Variants in CCDC178 observed in about 807,000 individuals in gnomAD.
The protein encoded by CCDC178 is coiled-coil domain containing 178, also known as coiled-coil domain-containing protein 178.
Under a neutral mutation model 117.4 loss-of-function variants are expected in CCDC178, and 126 were observed. The observed-to-expected ratio is 1.07, with a 90% confidence interval of 0.93 to 1.24. CCDC178 has a LOEUF of 1.24. Among genes scored for constraint, CCDC178 ranks in the 50% most tolerant of loss-of-function variants. CCDC178 has a pLI of 0.00. For synonymous variants in CCDC178, 283 were observed against 313.4 expected, an observed-to-expected ratio of 0.90 and a Z score of 1.02; for missense variants, 1,030 against 986.9, an observed-to-expected ratio of 1.04 and a Z score of -0.59.
At chr18:33,077,172 G>A (rs1659430275) in intron 21 of CCDC178, among the ~76,000 whole-genome samples, 1 of 152,160 alleles carries the variant, frequency 6.6e-6, no homozygotes, top group Non-Finnish European at 1.5e-5. Context: ...GTTATACCCT[G>A]TATATGGATA....
chr18:33,173,895 G>A (rs867847744), intron 20 of CCDC178, among the ~76,000 whole-genome samples: 7 of 152,116 alleles, frequency 4.6e-5, no homozygotes, highest in East Asian at 3.9e-4. Context: ...CTTGAAAAGC[G>A]CTTATCATGG....
At chr18:33,361,983 C>T (rs1476728450) in intron 6 of CCDC178, among the ~76,000 whole-genome samples, 1 of 151,472 alleles carries the variant, frequency 6.6e-6, no homozygotes, top group Non-Finnish European at 1.5e-5. Context: ...AGCACCAGCT[C>T]GTAAAGATAT....
At chr18:33,033,778 C>A (rs1158965778) in intron 21 of CCDC178, among the ~76,000 whole-genome samples, 1 of 151,870 alleles carries the variant, frequency 6.6e-6, no homozygotes, top group African/African-American at 2.4e-5. Flanking sequence ...ATTACAATGT[C>A]ATTTTTCAAT....
rs773301721 is a variant in CCDC178 at position 32,938,048 on chromosome 18, T to C, written c.2567A>G (p.Gln856Arg). The C allele has an allele frequency of 6.2e-7, 1 of 1,613,912 alleles. No homozygotes were observed. Among genetic ancestry groups the C allele is most frequent in the Non-Finnish European group, 8.5e-7 (1 of 1,179,826 alleles). ...TTCGCATGTGCCATCTGTCAAAGTC[T>C]GGAAGAAACCTAAGATGTGTTGCAT... is the stretch of plus-strand genomic sequence containing the variant. ...NLMQHILGFF[Q>R]TLTDGTCEND... The change falls in exon 23 of 23, where the codon CAG (glutamine) becomes CGG (arginine). Residue 856 changes from glutamine (Q) to arginine (R), a missense_variant. Physicochemically the swap from Gln to Arg is conservative, Grantham distance 43. Transcript: ENST00000383096.
At chr18:33,426,954 A>T (rs1388576647) in intron 2 of CCDC178, among the ~76,000 whole-genome samples, 4 of 152,162 alleles carry the variant, frequency 2.6e-5, no homozygotes, top group African/African-American at 9.6e-5. Flanking sequence ...TAACATTTAC[A>T]TGTATTTTAA....
chr18:33,227,287 CTT>C (rs776291370), intron 15 of CCDC178, among the ~76,000 whole-genome samples: 16 of 138,762 alleles, frequency 1.2e-4, no homozygotes, highest in South Asian at 2.3e-4. Flanking sequence ...AGAACAATTC[CTT>C]TTTTTTTTTT....
rs1445833589 is a variant in CCDC178 at position 32,964,791 on chromosome 18, CATAG to C, written c.2523+9752_2523+9755del. Among the ~76,000 whole-genome samples, 28 of 151,930 alleles carry C rather than the reference CATAG, an allele frequency of 1.8e-4. 1 individual carries two copies. In the East Asian group the frequency reaches 4.9e-3, roughly 26 times the overall value. On this transcript the variant is annotated intron_variant, in intron 22 of 22. Coordinates refer to ENST00000383096, the MANE Select transcript of CCDC178 (RefSeq NM_001105528.4). ...TATATTTTCACTTCAGAAAATATCC[CATAG>C]AAAGAGAGATTTTTTAAAAAAGTTT... is the stretch of plus-strand genomic sequence containing the variant.
At chr18:33,117,164 T>C (rs775771570) in intron 20 of CCDC178, among the ~76,000 whole-genome samples, 26 of 152,090 alleles carry the variant, frequency 1.7e-4, no homozygotes, top group Non-Finnish European at 1.0e-4. Context: ...ATGAAGATAT[T>C]TGTGTCTCAT....
chr18:33,439,839 G>C (rs946184566), intron 2 of CCDC178, 123 bp downstream of exon 2: 1 of 152,196 alleles, frequency 6.6e-6, no homozygotes, highest in African/African-American at 2.4e-5. Flanking sequence ...TGAATGTCAA[G>C]AAAACAATAA....
chr18:32,965,497 G>A (rs1216018925), intron 22 of CCDC178, among the ~76,000 whole-genome samples: 1 of 151,846 alleles, frequency 6.6e-6, no homozygotes, highest in Non-Finnish European at 1.5e-5. Flanking sequence ...ATATATGTGT[G>A]TTTATTTATG....
intron 21 of CCDC178, among the ~76,000 whole-genome samples, chr18:33,036,103 C>A (rs998287994): frequency 6.6e-6 from 1 of 151,626 alleles, no homozygotes; most frequent in Admixed American, 6.6e-5. Flanking sequence ...ACAAGAATGG[C>A]AAATGTAGTA....
At chr18:33,260,924 AC>A (rs2059739534) in intron 14 of CCDC178, among the ~76,000 whole-genome samples, 2 of 152,106 alleles carry the variant, frequency 1.3e-5, no homozygotes, top group Middle Eastern at 3.4e-3. Context: ...CTGTCTTTTT[AC>A]CCTAACATGA....
chr18:33,210,446 C>A (rs1339337744), intron 20 of CCDC178, among the ~76,000 whole-genome samples: 2 of 151,922 alleles, frequency 1.3e-5, no homozygotes, highest in African/African-American at 4.8e-5. Flanking sequence ...ATGTTTTATT[C>A]ATCTCTCTCC....
chr18:33,025,019 T>C (rs569148174), intron 21 of CCDC178, among the ~76,000 whole-genome samples: 1 of 152,286 alleles, frequency 6.6e-6, no homozygotes, highest in South Asian at 2.1e-4. Flanking sequence ...AAAGAAATAG[T>C]GTTAACTGCA....
chr18:33,245,572 C>T (rs980964058), intron 14 of CCDC178, 144 bp from the exon 15 acceptor site: 2 of 922,846 alleles, frequency 2.2e-6, no homozygotes, highest in Non-Finnish European at 2.9e-6. Flanking sequence ...GAAGACAGAA[C>T]ATGTGTCCTA....
At chr18:33,328,104 T>TG in intron 10 of CCDC178, 1 of 185,638 alleles carries the variant, frequency 5.4e-6, no homozygotes, top group Non-Finnish European at 9.2e-6. Context: ...TTTTTTTTTT[T>TG]TTTTTTTTTT....
chr18:33,006,064 A>G (rs2055743001), intron 21 of CCDC178, among the ~76,000 whole-genome samples: 1 of 152,104 alleles, frequency 6.6e-6, no homozygotes, highest in Middle Eastern at 3.2e-3. Flanking sequence ...GTTATCATAC[A>G]TAAGGATCTG....
At chr18:33,254,409 G>T (rs528797231) in intron 14 of CCDC178, among the ~76,000 whole-genome samples, 4 of 151,962 alleles carry the variant, frequency 2.6e-5, no homozygotes, top group African/African-American at 9.6e-5. Context: ...GGGAAGTATG[G>T]AACCAAGGAA....
intron 5 of CCDC178, among the ~76,000 whole-genome samples, chr18:33,377,895 C>A (rs1390570497): frequency 6.6e-6 from 1 of 152,152 alleles, no homozygotes; most frequent in Non-Finnish European, 1.5e-5. Flanking sequence ...CAGCTTTGTT[C>A]TTTTTGGTTA....
Sources: allele counts gnomAD v4.1 joint callset (sites outside exome capture counted in the v4.1 genomes callset), GRCh38; gene constraint gnomAD v4.1.1; transcripts MANE v1.5; gene names NCBI Gene and HGNC (gene_info 2026-07-23, HGNC 2026-07-21).